Variants in DENND1A observed in about 807,000 individuals in gnomAD.
DENND1A encodes the protein DENN domain-containing protein 1A.
In DENND1A, 51 loss-of-function variants were observed where a neutral mutation model predicts 113.7. That is an observed-to-expected ratio of 0.45 (90% CI 0.36 to 0.57). DENND1A has a LOEUF of 0.57. Among genes scored for constraint, DENND1A ranks in the 20% least tolerant of loss-of-function variants. The pLI is 0.00. For synonymous variants in DENND1A, 565 were observed against 570.8 expected, an observed-to-expected ratio of 0.99 and a Z score of 0.14; for missense variants, 1,258 against 1,395.9, an observed-to-expected ratio of 0.90 and a Z score of 1.57.
chr9:123,900,369 G>A (rs114193359), intron 1 of DENND1A, among the ~76,000 whole-genome samples: 47 of 152,290 alleles, frequency 3.1e-4, no homozygotes, highest in African/African-American at 1.1e-3. Flanking sequence ...GTGAGCAAGA[G>A]GCTCACAGTA....
intron 13 of DENND1A, among the ~76,000 whole-genome samples, chr9:123,470,420 A>G (rs1275421772): frequency 6.6e-6 from 1 of 152,150 alleles, no homozygotes; most frequent in African/African-American, 2.4e-5. Context: ...CAACACAATG[A>G]CACTTGCATC....
At chr9:123,530,728 G>A (rs988562425) in intron 13 of DENND1A, among the ~76,000 whole-genome samples, 1 of 152,060 alleles carries the variant, frequency 6.6e-6, no homozygotes, top group African/African-American at 2.4e-5. Flanking sequence ...TGTGTTCCAC[G>A]ACCCTCAGTG....
At chr9:123,737,195 G>A (rs993478462) in intron 5 of DENND1A, among the ~76,000 whole-genome samples, 3 of 152,052 alleles carry the variant, frequency 2.0e-5, no homozygotes, top group African/African-American at 7.2e-5. Context: ...TTTGGTTGTT[G>A]TTGTTGTACT....
At chr9:123,881,541 G>A (rs1472720380) in intron 1 of DENND1A, among the ~76,000 whole-genome samples, 1 of 152,046 alleles carries the variant, frequency 6.6e-6, no homozygotes, top group African/African-American at 2.4e-5. Context: ...TGTTCTTCAG[G>A]ACCCTAGGAC....
At position 123,779,657 on chromosome 9, in the gene DENND1A, G is replaced by A. The variant is rs145478807; in HGVS notation, c.133-10094C>T. On this transcript the variant is annotated intron_variant, in intron 3 of 23. Transcript: ENST00000394215. ...TGAGACCATAGGCGCGGACTACCACGCTTGGCTAATTTTTGTATTTTTGGT... is the reference window on the plus strand; with the variant it reads ...TGAGACCATAGGCGCGGACTACCACACTTGGCTAATTTTTGTATTTTTGGT... Among the ~76,000 whole-genome samples, 14 of 152,024 alleles carry A rather than the reference G, an allele frequency of 9.2e-5. No individual in the cohort carries two copies. The East Asian group carries it at 1.7e-3, about 19-fold the overall frequency.
In DENND1A at chr9:123,381,307, G is replaced by T; in HGVS notation, c.*125C>A. 1.1e-6 allele frequency: 1 copy of T among 895,902 alleles called. No individual in the cohort carries two copies. The highest frequency in any genetic ancestry group is 1.7e-6 in the Non-Finnish European group (1 of 587,602). 55.5% of individuals were successfully genotyped at this position (895,902 alleles called of 1,614,324 possible). ...GTGTGGAGGGGAGGAGGGGGCAGCA[G>T]AGAGGGGTCCCATCCCTTCCCACCA... On this transcript the variant is annotated 3_prime_UTR_variant, in exon 24 of 24. Transcript: ENST00000394215. This position sits in a 1 kb window ranked among gnomAD's most constrained non-coding sequence, Gnocchi z 4.7.
intron 1 of DENND1A, among the ~76,000 whole-genome samples, chr9:123,907,432 T>C (rs548400941): frequency 7.0e-4 from 107 of 151,872 alleles, no homozygotes; most frequent in African/African-American, 2.5e-3. Context: ...GACATGATTG[T>C]ATATCTAGAA....
intron 13 of DENND1A, among the ~76,000 whole-genome samples, chr9:123,554,279 G>A (rs925040855): frequency 1.3e-5 from 2 of 152,094 alleles, no homozygotes; most frequent in Non-Finnish European, 2.9e-5. Flanking sequence ...CTGGAATGCA[G>A]TGGCACCATC....
intron 19 of DENND1A, among the ~76,000 whole-genome samples, chr9:123,421,854 C>A (rs1191540388): frequency 6.6e-6 from 1 of 152,208 alleles, no homozygotes. Context: ...ACATCCCTGT[C>A]CCCAGCATGC....
At position 123,380,638 on chromosome 9, in the gene DENND1A, C is replaced by G. The variant is rs530298477; in HGVS notation, c.*794G>C. On this transcript the variant is annotated 3_prime_UTR_variant, in exon 24 of 24. Transcript: ENST00000394215. ...CCCAGCTTTGACAGTGAGGGGAGTACCTGGAGGTATCAGCGTGCCAGAGCT... is the reference window on the plus strand; with the variant it reads ...CCCAGCTTTGACAGTGAGGGGAGTAGCTGGAGGTATCAGCGTGCCAGAGCT... 28 of 152,540 alleles carry G rather than the reference C, an allele frequency of 1.8e-4. No individual in the cohort carries two copies. Among genetic ancestry groups the G allele is most frequent in the Admixed American group, 1.8e-3 (27 of 15,300 alleles). 9.4% of individuals were successfully genotyped at this position (152,540 alleles called of 1,614,324 possible).
At chr9:123,904,449 C>G (rs1588169023) in intron 1 of DENND1A, among the ~76,000 whole-genome samples, 1 of 148,158 alleles carries the variant, frequency 6.7e-6, no homozygotes, top group African/African-American at 2.5e-5. Context: ...AAACCAAAGG[C>G]AAAGAAGTTG....
intron 5 of DENND1A, among the ~76,000 whole-genome samples, chr9:123,754,218 A>C (rs2070324770): frequency 6.6e-6 from 1 of 152,172 alleles, no homozygotes; most frequent in African/African-American, 2.4e-5. Flanking sequence ...CAATACAACA[A>C]TGTAACCTAG....
rs371673835 is a variant in DENND1A at position 123,757,691 on chromosome 9, C to G, written c.302+12G>C. The G allele has an allele frequency of 6.2e-7, 1 of 1,613,280 alleles. No individual in the cohort carries two copies. The highest frequency in any genetic ancestry group is 1.3e-5 in the African/African-American group (1 of 74,918). ...CAGAGAACAAGCCAACAGCCCAAGC[C>G]TTCTCCCTTACCTTAAGATACAGAA... On this transcript the variant is annotated intron_variant, in intron 5 of 23. Coordinates refer to ENST00000394215, the MANE Select transcript of DENND1A (RefSeq NM_001352964.2).
At chr9:123,448,894 C>G (rs2047500088) in intron 18 of DENND1A, among the ~76,000 whole-genome samples, 2 of 152,180 alleles carry the variant, frequency 1.3e-5, no homozygotes, top group Non-Finnish European at 2.9e-5. Context: ...AAACTGCTTT[C>G]AATTTTTTAA....
At chr9:123,576,562 AGCCTCGGCTCACTGAAATCTC>A (rs2058649830) in intron 12 of DENND1A, among the ~76,000 whole-genome samples, 1 of 152,002 alleles carries the variant, frequency 6.6e-6, no homozygotes, top group African/African-American at 2.4e-5. Context: ...GCAGTGGGGC[AGCCTCGGCTCACTGAAATCTC>A]TGCCTCCTGG....
chr9:123,575,749 T>C (rs1446239512), intron 12 of DENND1A, among the ~76,000 whole-genome samples: 1 of 152,192 alleles, frequency 6.6e-6, no homozygotes, highest in Non-Finnish European at 1.5e-5. Context: ...CAAATATTAT[T>C]TGGTATACTT....
intron 5 of DENND1A, among the ~76,000 whole-genome samples, chr9:123,748,761 G>T (rs969477608): frequency 2.6e-5 from 4 of 152,124 alleles, no homozygotes; most frequent in Non-Finnish European, 5.9e-5. Flanking sequence ...CTTGCAGGGA[G>T]GTCCAAGAAA....
intron 1 of DENND1A, among the ~76,000 whole-genome samples, chr9:123,903,050 A>C (rs555790452): frequency 2.6e-5 from 4 of 152,248 alleles, no homozygotes; most frequent in African/African-American, 9.6e-5. Context: ...AACTGGAAAA[A>C]GGCCGGGCGC....
chr9:123,653,538 G>A (rs543807443), intron 8 of DENND1A, among the ~76,000 whole-genome samples: 9 of 152,104 alleles, frequency 5.9e-5, no homozygotes, highest in Non-Finnish European at 1.3e-4. Flanking sequence ...ACTGTTCCTT[G>A]AACTAAGTAT....
Sources: allele counts gnomAD v4.1 joint callset (sites outside exome capture counted in the v4.1 genomes callset), GRCh38; gene constraint gnomAD v4.1.1; non-coding constraint Gnocchi (gnomAD v3.1); transcripts MANE v1.5; gene names NCBI Gene and HGNC (gene_info 2026-07-23, HGNC 2026-07-21).